BMPR1B: variants seen among roughly 807,000 people sequenced by gnomAD.
BMPR1B encodes the protein bone morphogenetic protein receptor type-1B.
BMPR1B carries 12 observed loss-of-function variants against 59.1 expected under a neutral mutation model. The ratio of observed to expected loss-of-function variants is 0.20; its 90% CI spans 0.13 to 0.33. BMPR1B has a LOEUF of 0.33. Ranked by LOEUF, BMPR1B falls within the 10% of genes least tolerant of loss-of-function variation. The probability of loss-of-function intolerance (pLI) is 1.00; values close to 1 mark genes in which losing one functional copy is unlikely to be tolerated. For missense variants in BMPR1B, 550 were observed against 610.9 expected (o/e 0.90, Z 1.05); for synonymous variants, 237 against 207.3 (o/e 1.14, Z -1.23).
At chr4:95,069,629 A>G (rs1728123680) in intron 3 of BMPR1B, among the ~76,000 whole-genome samples, 1 of 152,058 alleles carries the variant, frequency 6.6e-6, no homozygotes, top group Non-Finnish European at 1.5e-5. Context: ...TATAATTTAG[A>G]TATCTTTATG....
At chr4:95,041,340 C>T (rs1016847269) in intron 3 of BMPR1B, among the ~76,000 whole-genome samples, 14 of 152,166 alleles carry the variant, frequency 9.2e-5, no homozygotes, top group Admixed American at 4.6e-4. Context: ...TGAGCCACCA[C>T]GCGTGGTCTA....
intron 1 of BMPR1B, among the ~76,000 whole-genome samples, chr4:94,869,776 G>GT (rs531653888): frequency 2.8e-4 from 42 of 152,004 alleles, no homozygotes; most frequent in Non-Finnish European, 5.6e-4. Flanking sequence ...TAAAAATTTA[G>GT]TTTTTATAAA....
intron 3 of BMPR1B, among the ~76,000 whole-genome samples, chr4:95,088,403 T>G (rs527278846): frequency 5.9e-5 from 9 of 152,010 alleles, no homozygotes; most frequent in Non-Finnish European, 1.2e-4. Flanking sequence ...GCTTTTTTCC[T>G]CCTTTATTGG....
intron 3 of BMPR1B, among the ~76,000 whole-genome samples, chr4:95,068,447 G>T (rs753799022): frequency 1.3e-5 from 2 of 152,090 alleles, no homozygotes; most frequent in Non-Finnish European, 2.9e-5. Context: ...GTTCCATGGA[G>T]ACATTGCCCA....
intron 2 of BMPR1B, among the ~76,000 whole-genome samples, chr4:94,918,114 G>A (rs1301414140): frequency 6.6e-6 from 1 of 152,008 alleles, no homozygotes; most frequent in Admixed American, 6.5e-5. Context: ...GCAGAACTAT[G>A]AGCCAGTTAA....
At chr4:94,972,036 A>G (rs1474861567) in intron 2 of BMPR1B, among the ~76,000 whole-genome samples, 5 of 151,706 alleles carry the variant, frequency 3.3e-5, no homozygotes, top group Non-Finnish European at 7.4e-5. Context: ...AATAAAGGAA[A>G]TAGAGGAACT....
intron 1 of BMPR1B, among the ~76,000 whole-genome samples, chr4:94,833,084 G>A (rs1267182250): frequency 6.6e-6 from 1 of 151,460 alleles, no homozygotes; most frequent in Admixed American, 6.6e-5. Flanking sequence ...TCATTTACTC[G>A]GGAGGCTGAG....
chr4:95,015,766 C>G (rs1005662846), intron 3 of BMPR1B, among the ~76,000 whole-genome samples: 2 of 151,612 alleles, frequency 1.3e-5, no homozygotes, highest in Non-Finnish European at 2.9e-5. Context: ...GGTCTCGGCT[C>G]ACTGCAACCT....
intron 3 of BMPR1B, among the ~76,000 whole-genome samples, chr4:95,014,740 A>G (rs1723464180): frequency 6.6e-6 from 1 of 152,188 alleles, no homozygotes; most frequent in Non-Finnish European, 1.5e-5. Context: ...AAGTGATTAG[A>G]TTTGTAGATT....
chr4:94,886,119 A>T (rs554163616), intron 2 of BMPR1B, among the ~76,000 whole-genome samples: 47 of 152,314 alleles, frequency 3.1e-4, no homozygotes, highest in Non-Finnish European at 6.5e-4. Flanking sequence ...TTATAAATTT[A>T]AAAATGGTTA....
rs1236246009 is a variant in BMPR1B at position 94,838,073 on chromosome 4, G to A, written c.-182-37758G>A. ...TGCTGGATTACATGTATTGATTTGC[G>A]TATATTGAACCAGTCTTGCATCCCA... On this transcript the variant is annotated intron_variant, in intron 1 of 12. Coordinates refer to ENST00000515059, the MANE Select transcript of BMPR1B (RefSeq NM_001203.3). Among the ~76,000 whole-genome samples the A allele has an allele frequency of 9.7e-5, 14 of 144,564 alleles. 1 individual carries two copies. The highest frequency in any genetic ancestry group is 5.8e-4 in the East Asian group (3 of 5,170). The allele number at this position is 144,564 out of a possible 152,430, so 94.8% of individuals were successfully genotyped here. A position where few individuals can be genotyped will look rare whatever the true frequency, so the allele number is the denominator to read the frequency against.
At chr4:94,777,742 T>A (rs555121952) in intron 1 of BMPR1B, among the ~76,000 whole-genome samples, 1 of 152,118 alleles carries the variant, frequency 6.6e-6, no homozygotes, top group Non-Finnish European at 1.5e-5. Context: ...TATAGAAGTT[T>A]TGGCCGGGCG....
chr4:95,018,935 A>C (rs1349126533), intron 3 of BMPR1B, among the ~76,000 whole-genome samples: 1 of 152,248 alleles, frequency 6.6e-6, no homozygotes, highest in Middle Eastern at 3.4e-3. Context: ...GGTGGCGCCA[A>C]TCTATTTTGA....
chr4:94,883,429 G>A (rs1320024289), intron 2 of BMPR1B, among the ~76,000 whole-genome samples: 1 of 152,072 alleles, frequency 6.6e-6, no homozygotes, highest in African/African-American at 2.4e-5. Context: ...TACTGTGATA[G>A]CTTATTCTCC....
At chr4:95,142,080 G>A (rs1457449475) in intron 10 of BMPR1B, among the ~76,000 whole-genome samples, 1 of 152,164 alleles carries the variant, frequency 6.6e-6, no homozygotes, top group East Asian at 1.9e-4. Context: ...TTATGTTGAA[G>A]ACTTTTTAGT....
intron 1 of BMPR1B, among the ~76,000 whole-genome samples, chr4:94,783,482 C>A (rs1388955372): frequency 6.6e-6 from 1 of 152,128 alleles, no homozygotes; most frequent in Non-Finnish European, 1.5e-5. Context: ...AAAGTTAGTC[C>A]CTTTAAGTGA....
chr4:95,105,865 CA>C (rs566724734), intron 4 of BMPR1B, among the ~76,000 whole-genome samples: 21 of 151,984 alleles, frequency 1.4e-4, no homozygotes, highest in Admixed American at 1.1e-3. Flanking sequence ...TGAAAGAAAG[CA>C]AAATTAGCAG....
intron 2 of BMPR1B, among the ~76,000 whole-genome samples, chr4:94,908,093 AAAAAC>A (rs1560541815): frequency 8.4e-6 from 1 of 118,712 alleles, no homozygotes; most frequent in Non-Finnish European, 1.6e-5. Flanking sequence ...AAAAAAAAGA[AAAAAC>A]AAAAAAAAGT....
intron 3 of BMPR1B, among the ~76,000 whole-genome samples, chr4:95,074,479 C>T (rs1192143106): frequency 6.6e-6 from 1 of 152,034 alleles, no homozygotes; most frequent in African/African-American, 2.4e-5. Context: ...GAATAGTTAA[C>T]GAATCCTCAC....
Sources: allele counts gnomAD v4.1 joint callset (sites outside exome capture counted in the v4.1 genomes callset), GRCh38; gene constraint gnomAD v4.1.1; transcripts MANE v1.5; gene names NCBI Gene and HGNC (gene_info 2026-07-23, HGNC 2026-07-21).